CHCHD6: variants seen among roughly 807,000 people sequenced by gnomAD.
The protein encoded by CHCHD6 is coiled-coil-helix-coiled-coil-helix domain containing 6.
CHCHD6 carries 28 observed loss-of-function variants against 32.3 expected under a neutral mutation model. The observed-to-expected ratio is 0.87, with a 90% confidence interval of 0.64 to 1.19. CHCHD6 has a LOEUF of 1.19. CHCHD6 is among the 50% of genes most tolerant of loss of function. The pLI, the probability that CHCHD6 is intolerant of heterozygous loss-of-function variation, is 0.00. For missense variants in CHCHD6, 333 were observed against 307.0 expected (o/e 1.08, Z -0.63); for synonymous variants, 122 against 117.5 (o/e 1.04, Z -0.25).
chr3:126,896,192 T>C (rs1002581375), intron 5 of CHCHD6, among the ~76,000 whole-genome samples: 1 of 152,208 alleles, frequency 6.6e-6, no homozygotes, highest in African/African-American at 2.4e-5. Flanking sequence ...GTCAAGTTAC[T>C]TTTCAAGATA....
At chr3:126,822,318 A>AT (rs1215843258) in intron 4 of CHCHD6, among the ~76,000 whole-genome samples, 4 of 152,078 alleles carry the variant, frequency 2.6e-5, no homozygotes, top group African/African-American at 4.8e-5. Flanking sequence ...TGAAAAGACT[A>AT]TTTTTTTCCT....
At chr3:126,741,801 C>T (rs939137707) in intron 4 of CHCHD6, among the ~76,000 whole-genome samples, 4 of 152,092 alleles carry the variant, frequency 2.6e-5, no homozygotes, top group Non-Finnish European at 4.4e-5. Context: ...TTTTTTGGCC[C>T]TTTTTGCAGT....
intron 4 of CHCHD6, among the ~76,000 whole-genome samples, chr3:126,808,623 C>T (rs1939519550): frequency 1.3e-5 from 2 of 152,106 alleles, no homozygotes; most frequent in Non-Finnish European, 2.9e-5. Flanking sequence ...GGAATTTAAC[C>T]ATGTCAATGT....
chr3:126,739,344 TTTG>T (rs60465053), intron 4 of CHCHD6, among the ~76,000 whole-genome samples: 5 of 151,878 alleles, frequency 3.3e-5, no homozygotes, highest in African/African-American at 7.3e-5. Context: ...CCACATATTC[TTTG>T]TTGTTGTTGT....
At chr3:126,897,842 T>A (rs562105509) in intron 5 of CHCHD6, among the ~76,000 whole-genome samples, 40 of 152,314 alleles carry the variant, frequency 2.6e-4, no homozygotes, top group African/African-American at 9.4e-4. Flanking sequence ...CCTGGCACTT[T>A]ATGGGCATGT....
At chr3:126,878,866 G>A (rs1317191722) in intron 5 of CHCHD6, among the ~76,000 whole-genome samples, 1 of 152,212 alleles carries the variant, frequency 6.6e-6, no homozygotes, top group Non-Finnish European at 1.5e-5. Context: ...TTCAGTTACA[G>A]TGGTGGAGGC....
chr3:126,877,737 C>A lies in CHCHD6; in HGVS notation c.495+25007C>A, dbSNP rs57900915. Among the ~76,000 whole-genome samples the A allele has an allele frequency of 3.3e-4, 51 of 152,260 alleles. 1 individual carries two copies. Among genetic ancestry groups the A allele is most frequent in the African/African-American group, 1.1e-3 (46 of 41,538 alleles). Reference sequence around the variant, plus strand: ...TGAGTGTGTATAAATCTGGTGAAATCTGAATAAGATTGGTGGATTACATCA... The same window carrying A: ...TGAGTGTGTATAAATCTGGTGAAATATGAATAAGATTGGTGGATTACATCA... On this transcript the variant is annotated intron_variant, in intron 5 of 7. Transcript: ENST00000290913.
At chr3:126,744,152 G>C (rs956419778) in intron 4 of CHCHD6, among the ~76,000 whole-genome samples, 12 of 152,320 alleles carry the variant, frequency 7.9e-5, no homozygotes, top group African/African-American at 2.9e-4. Context: ...GTGAAATTGG[G>C]CTGGTGCCTT....
At chr3:126,908,815 G>T (rs570116612) in intron 5 of CHCHD6, among the ~76,000 whole-genome samples, 1 of 152,200 alleles carries the variant, frequency 6.6e-6, no homozygotes, top group South Asian at 2.1e-4. Flanking sequence ...ATTGTCATTC[G>T]ATTCCCACAA....
At chr3:126,809,937 A>G (rs149126348) in intron 4 of CHCHD6, among the ~76,000 whole-genome samples, 3 of 152,328 alleles carry the variant, frequency 2.0e-5, no homozygotes, top group African/African-American at 4.8e-5. Context: ...TCCTGTTCAG[A>G]TGTGTTATAA....
chr3:126,759,882 T>C (rs1480457176), intron 4 of CHCHD6, among the ~76,000 whole-genome samples: 2 of 152,332 alleles, frequency 1.3e-5, no homozygotes, highest in East Asian at 3.9e-4. Context: ...TTCTGAAGGC[T>C]GTACAGGAAG....
intron 4 of CHCHD6, among the ~76,000 whole-genome samples, chr3:126,800,906 C>G (rs1179360196): frequency 6.6e-6 from 1 of 152,190 alleles, no homozygotes; most frequent in Non-Finnish European, 1.5e-5. Flanking sequence ...GTAAAATGTT[C>G]TGATTAGATC....
chr3:126,918,231 T>C (rs1406634553), intron 6 of CHCHD6, among the ~76,000 whole-genome samples: 1 of 152,242 alleles, frequency 6.6e-6, no homozygotes, highest in African/African-American at 2.4e-5. Flanking sequence ...GTCATAGAAA[T>C]AAATGCCAAC....
intron 4 of CHCHD6, among the ~76,000 whole-genome samples, chr3:126,793,500 C>A (rs530342445): frequency 6.6e-6 from 1 of 152,238 alleles, no homozygotes; most frequent in Non-Finnish European, 1.5e-5. Context: ...CCAATTACAT[C>A]CCTTTCCCCT....
intron 1 of CHCHD6, among the ~76,000 whole-genome samples, chr3:126,705,593 C>T (rs1239442783): frequency 6.6e-6 from 1 of 152,166 alleles, no homozygotes; most frequent in East Asian, 1.9e-4. Flanking sequence ...GCCTCTTCCT[C>T]CACCTGTGTC....
intron 4 of CHCHD6, among the ~76,000 whole-genome samples, chr3:126,734,100 TAGA>T (rs1295282989): frequency 6.6e-6 from 1 of 152,208 alleles, no homozygotes; most frequent in Non-Finnish European, 1.5e-5. Context: ...ATAACTTTCC[TAGA>T]AGCTCCTGGC....
intron 6 of CHCHD6, among the ~76,000 whole-genome samples, chr3:126,930,690 G>A (rs1245018955): frequency 3.3e-5 from 5 of 152,196 alleles, no homozygotes; most frequent in African/African-American, 4.8e-5. Context: ...CTGTAAAAGG[G>A]GTGAGCCATC....
intron 4 of CHCHD6, among the ~76,000 whole-genome samples, chr3:126,817,800 G>C (rs1018405218): frequency 4.6e-5 from 7 of 151,454 alleles, no homozygotes; most frequent in African/African-American, 1.7e-4. Flanking sequence ...TGGTGTCTCT[G>C]TGTGTCTGTT....
rs13092006 is a variant in CHCHD6 at position 126,949,548 on chromosome 3, C to T, written c.567-7868C>T. 2.0e-3 allele frequency: 259 copies of T among 131,318 alleles called. 3 individuals are homozygous for T. Among genetic ancestry groups the T allele is most frequent in the Middle Eastern group, 4.1e-3 (1 of 246 alleles). The allele number at this position is 131,318 out of a possible 1,614,324, so 8.1% of individuals were successfully genotyped here. A position where few individuals can be genotyped will look rare whatever the true frequency, so the allele number is the denominator to read the frequency against. On this transcript the variant is annotated intron_variant, in intron 6 of 7. Transcript: ENST00000290913. ...GTGGACGGAAGGGAAGGCTGCTGCCCGGACTGCCGCCGTGGACGGAAGGGA... is the reference window on the plus strand; with the variant it reads ...GTGGACGGAAGGGAAGGCTGCTGCCTGGACTGCCGCCGTGGACGGAAGGGA...
Sources: allele counts gnomAD v4.1 joint callset (sites outside exome capture counted in the v4.1 genomes callset), GRCh38; gene constraint gnomAD v4.1.1; transcripts MANE v1.5; gene names NCBI Gene and HGNC (gene_info 2026-07-23, HGNC 2026-07-21).